ZC3H3: variants seen among roughly 807,000 people sequenced by gnomAD.
ZC3H3 encodes zinc finger CCCH-type containing 3.
In ZC3H3, 36 loss-of-function variants were observed where a neutral mutation model predicts 77.3. The ratio of observed to expected loss-of-function variants is 0.47; its 90% CI spans 0.36 to 0.61. The LOEUF is 0.61. ZC3H3 is among the 20% of genes least tolerant of loss of function. The pLI is 0.00. For missense variants in ZC3H3, 1,331 were observed against 1,312.2 expected (o/e 1.01, Z -0.22); for synonymous variants, 626 against 555.2 (o/e 1.13, Z -1.79).
intron 3 of ZC3H3, among the ~76,000 whole-genome samples, chr8:143,508,149 T>C (rs1821765027): frequency 6.6e-6 from 1 of 152,118 alleles, no homozygotes; most frequent in African/African-American, 2.4e-5. Context: ...CCTCCAGCCA[T>C]CTGGAGAAAC....
chr8:143,513,221 A>C (rs993168739), intron 3 of ZC3H3, among the ~76,000 whole-genome samples: 1 of 152,176 alleles, frequency 6.6e-6, no homozygotes, highest in Non-Finnish European at 1.5e-5. Context: ...TGCCAAGCGC[A>C]GGCCCCACCT....
rs1320774722 is a variant in ZC3H3 at position 143,468,365 on chromosome 8, C to A, written c.2105+17G>T. 1 of 1,611,860 alleles carries A rather than the reference C, an allele frequency of 6.2e-7. No homozygotes were observed. Among genetic ancestry groups the A allele is most frequent in the Non-Finnish European group, 8.5e-7 (1 of 1,179,206 alleles). ...CACAGAACCTCCCCCAGGCCCACAG[C>A]GAGGGCAGGAGGGCACCTGGTGCAC... is the stretch of plus-strand genomic sequence containing the variant. On this transcript the variant is annotated intron_variant, in intron 7 of 11. Coordinates refer to ENST00000262577, the MANE Select transcript of ZC3H3 (RefSeq NM_015117.3).
In ZC3H3 at chr8:143,507,765, G is replaced by C. The variant is rs767567071; in HGVS notation, c.1696C>G (p.Arg566Gly). 6.9e-6 allele frequency: 11 copies of C among 1,585,584 alleles called. No individual in the cohort carries two copies. Among genetic ancestry groups the C allele is most frequent in the Non-Finnish European group, 9.4e-6 (11 of 1,166,914 alleles). ...FPLSLPSWRA[R>G]RLSLSRSLVL... ...TCCTACCTGGATAGTGAGAGCCGCCGGGCCCGCCAGGAGGGCAGAGACAGG... is the reference window on the plus strand; with the variant it reads ...TCCTACCTGGATAGTGAGAGCCGCCCGGCCCGCCAGGAGGGCAGAGACAGG... Residue 566 changes from arginine to glycine, a missense_variant, in exon 4 of 12, where the codon CGG becomes GGG. Physicochemically the swap from Arg to Gly is moderately radical, Grantham distance 125. This residue lies in a region of ZC3H3 where 978 missense variants were observed against 915.5 expected (regional missense o/e 1.07). Transcript: ENST00000262577.
At chr8:143,529,981 G>C (rs1429123127) in intron 3 of ZC3H3, among the ~76,000 whole-genome samples, 1 of 152,164 alleles carries the variant, frequency 6.6e-6, no homozygotes, top group African/African-American at 2.4e-5. Context: ...GGTGAGTGGA[G>C]ACTCCACTTC....
At position 143,438,038 on chromosome 8, in the gene ZC3H3, G is replaced by C. The variant is rs760314103; in HGVS notation, c.*18C>G. On this transcript the variant is annotated 3_prime_UTR_variant, in exon 12 of 12. Coordinates refer to ENST00000262577, the MANE Select transcript of ZC3H3 (RefSeq NM_015117.3). ...AGGATGAGGGTCTGAGGTAGGTGCA[G>C]GCCGGTCCCTGGGGTCCTCACAGAC... The C allele has an allele frequency of 3.9e-5, 63 of 1,609,214 alleles. 1 individual carries two copies. Among genetic ancestry groups the C allele is most frequent in the Non-Finnish European group, 5.0e-5 (59 of 1,178,160 alleles).
chr8:143,453,339 T>C (rs972279043), intron 9 of ZC3H3, among the ~76,000 whole-genome samples: 24 of 152,184 alleles, frequency 1.6e-4, no homozygotes, highest in Non-Finnish European at 4.4e-5. Flanking sequence ...TTTGCCCACC[T>C]GGTTCTCCCA....
chr8:143,480,002 G>A (rs559628160), intron 4 of ZC3H3, among the ~76,000 whole-genome samples: 1 of 152,316 alleles, frequency 6.6e-6, no homozygotes, highest in Admixed American at 6.5e-5. Flanking sequence ...CTGAGCCCAG[G>A]CCCTCCTGTC....
intron 9 of ZC3H3, among the ~76,000 whole-genome samples, chr8:143,450,269 C>A (rs903782812): frequency 1.3e-5 from 2 of 152,188 alleles, no homozygotes; most frequent in Admixed American, 1.3e-4. Flanking sequence ...GCAACCTCCA[C>A]CTCCAGGTTC....
In ZC3H3 at chr8:143,494,974, A is replaced by G. The variant is rs1472581742; in HGVS notation, c.1715+12772T>C. On this transcript the variant is annotated intron_variant, in intron 4 of 11. Coordinates refer to ENST00000262577, the MANE Select transcript of ZC3H3 (RefSeq NM_015117.3). The surrounding 1 kb of genome is among the most constrained non-coding windows in gnomAD (Gnocchi z 5.3). The stretch of plus-strand genomic sequence containing the variant: ...CCACACACGTGAGAATGCAGATTAG[A>G]AAGGCGGTAACACCACGTCTGAGGG... Among the ~76,000 whole-genome samples the G allele has an allele frequency of 1.3e-5, 2 of 152,214 alleles. No individual in the cohort carries two copies. Among genetic ancestry groups the G allele is most frequent in the African/African-American group, 2.4e-5 (1 of 41,450 alleles).
chr8:143,506,414 C>T (rs922064961), intron 4 of ZC3H3, among the ~76,000 whole-genome samples: 6 of 152,056 alleles, frequency 3.9e-5, no homozygotes, highest in Non-Finnish European at 7.4e-5. Flanking sequence ...TCATGACTCC[C>T]GATCACAGTG....
At chr8:143,507,948 G>A (rs1821757564) in intron 3 of ZC3H3, 49 bp from the exon 4 acceptor site, 9 of 1,509,706 alleles carry the variant, frequency 6.0e-6, no homozygotes, top group Non-Finnish European at 7.1e-6. Context: ...AGGCCGGCAA[G>A]GGTAGGGTCA....
intron 3 of ZC3H3, among the ~76,000 whole-genome samples, chr8:143,518,101 G>A (rs1370826550): frequency 6.6e-6 from 1 of 152,190 alleles, no homozygotes; most frequent in East Asian, 1.9e-4. Flanking sequence ...TGGCCCTGGT[G>A]CTGCAGGAGG....
chr8:143,525,727 C>A (rs1822391381), intron 3 of ZC3H3, among the ~76,000 whole-genome samples: 1 of 152,248 alleles, frequency 6.6e-6, no homozygotes, highest in South Asian at 2.1e-4. Context: ...CACAGTTTGA[C>A]CAGCTGGGAT....
At chr8:143,446,809 T>C (rs1261404326) in intron 9 of ZC3H3, among the ~76,000 whole-genome samples, 1 of 152,260 alleles carries the variant, frequency 6.6e-6, no homozygotes, top group East Asian at 1.9e-4. Flanking sequence ...GAGGCACTGC[T>C]TCCCACAGGG....
intron 3 of ZC3H3, among the ~76,000 whole-genome samples, chr8:143,516,525 TCA>T (rs57359541): frequency 0.18 from 25,761 of 139,628 alleles, 2,231 homozygotes; most frequent in East Asian, 0.32. Flanking sequence ...AACTTTGCAA[TCA>T]CACACACACA....
intron 11 of ZC3H3, among the ~76,000 whole-genome samples, chr8:143,439,668 G>A (rs575026297): frequency 3.3e-5 from 5 of 152,328 alleles, no homozygotes; most frequent in East Asian, 3.9e-4. Flanking sequence ...AGCGGCCACC[G>A]CTACACTCGC....
intron 4 of ZC3H3, among the ~76,000 whole-genome samples, chr8:143,486,622 T>C (rs1821060063): frequency 6.6e-6 from 1 of 152,146 alleles, no homozygotes; most frequent in Admixed American, 6.6e-5. Context: ...TGAAAAGTGA[T>C]GAACAAAAGA....
intron 9 of ZC3H3, among the ~76,000 whole-genome samples, chr8:143,455,178 G>A (rs1161177733): frequency 6.6e-6 from 1 of 152,136 alleles, no homozygotes; most frequent in Non-Finnish European, 1.5e-5. Context: ...GCTGGGTGTG[G>A]TGGCGGGGGC....
chr8:143,530,629 T>C lies in ZC3H3; in HGVS notation c.1561+5628A>G, dbSNP rs1344027005. On this transcript the variant is annotated intron_variant, in intron 3 of 11. Transcript: ENST00000262577. The surrounding 1 kb of genome is among the most constrained non-coding windows in gnomAD (Gnocchi z 4.3). ...CAGGCTTAGGGAGTCATGCCTGTCA[T>C]CTCAGGGTGGCCGAGCACAGCGACG... Among the ~76,000 whole-genome samples the C allele has an allele frequency of 6.6e-6, 1 of 151,942 alleles. No homozygotes were observed. Among genetic ancestry groups the C allele is most frequent in the East Asian group, 1.9e-4 (1 of 5,162 alleles).
Sources: allele counts gnomAD v4.1 joint callset (sites outside exome capture counted in the v4.1 genomes callset), GRCh38; gene constraint gnomAD v4.1.1; regional missense constraint gnomAD v4.1.1; non-coding constraint Gnocchi (gnomAD v3.1); transcripts MANE v1.5; gene names NCBI Gene and HGNC (gene_info 2026-07-23, HGNC 2026-07-21).